The following PAG1 variants were observed in gnomAD, a reference collection of about 807,000 sequenced individuals.
The protein encoded by PAG1 is phosphoprotein membrane anchor with glycosphingolipid microdomains 1.
In PAG1, 23 loss-of-function variants were observed where a neutral mutation model predicts 31.7. The ratio of observed to expected loss-of-function variants is 0.73; its 90% CI spans 0.52 to 1.03. PAG1 has a LOEUF of 1.03. Ranked by LOEUF, PAG1 falls within the 50% of genes least tolerant of loss-of-function variation. The pLI is 0.00. For missense variants in PAG1, 473 were observed against 540.7 expected (o/e 0.87, Z 1.24); for synonymous variants, 214 against 210.3 (o/e 1.02, Z -0.15).
intron 3 of PAG1, among the ~76,000 whole-genome samples, chr8:81,028,693 G>C (rs1408633447): frequency 1.3e-5 from 2 of 152,186 alleles, no homozygotes; most frequent in African/African-American, 4.8e-5. Context: ...AAATCTCTAA[G>C]CTGATCTGCT....
At chr8:81,004,311 T>C (rs1274613285) in intron 3 of PAG1, among the ~76,000 whole-genome samples, 2 of 152,228 alleles carry the variant, frequency 1.3e-5, no homozygotes, top group Non-Finnish European at 2.9e-5. Context: ...GGAGGTTCCA[T>C]ATGTGATAAG....
chr8:81,063,109 A>G (rs866497259), intron 2 of PAG1, among the ~76,000 whole-genome samples: 1 of 152,200 alleles, frequency 6.6e-6, no homozygotes, highest in Non-Finnish European at 1.5e-5. Flanking sequence ...TGGAATTTAA[A>G]TATCTAAAAT....
At chr8:81,106,672 TG>T (rs1251643957) in intron 1 of PAG1, among the ~76,000 whole-genome samples, 2 of 152,300 alleles carry the variant, frequency 1.3e-5, no homozygotes, top group African/African-American at 4.8e-5. Context: ...ATTAACTTAT[TG>T]AACAAATATT....
At chr8:81,014,379 C>T (rs1269408930) in intron 3 of PAG1, among the ~76,000 whole-genome samples, 1 of 152,150 alleles carries the variant, frequency 6.6e-6, no homozygotes, top group Non-Finnish European at 1.5e-5. Flanking sequence ...TAAAAACAAA[C>T]TGAGAGTTCA....
At chr8:81,104,989 C>CAGCT (rs1242157720) in intron 1 of PAG1, among the ~76,000 whole-genome samples, 1 of 152,104 alleles carries the variant, frequency 6.6e-6, no homozygotes, top group East Asian at 1.9e-4. Context: ...ATGGAATGAC[C>CAGCT]AGCTGTTCCA....
Position 80,972,629 on chromosome 8 carries a change from C to T in PAG1, c.*3915G>A, listed in dbSNP as rs1275450543. ...CTCTTATCTCTTTACATTTCCTCCT[C>T]TCAGGCTGAGTCAAAAGTAAGTCAC... On this transcript the variant is annotated 3_prime_UTR_variant, in exon 9 of 9. Transcript: ENST00000220597. 1.3e-5 allele frequency: 2 copies of T among 152,186 alleles called. No homozygotes were observed. The highest frequency in any genetic ancestry group is 2.9e-5 in the Non-Finnish European group (2 of 68,044). 9.4% of individuals were successfully genotyped at this position (152,186 alleles called of 1,614,324 possible).
chr8:81,103,960 G>A (rs1809650683), intron 1 of PAG1, among the ~76,000 whole-genome samples: 1 of 152,094 alleles, frequency 6.6e-6, no homozygotes. Context: ...AAATGGAAAA[G>A]AAAAATAAGA....
chr8:81,026,633 G>T (rs528009095), intron 3 of PAG1, among the ~76,000 whole-genome samples: 1 of 152,016 alleles, frequency 6.6e-6, no homozygotes, highest in Non-Finnish European at 1.5e-5. Context: ...GTGTGCTAAA[G>T]ATCAGGTCTC....
chr8:81,029,100 G>A lies in PAG1; in HGVS notation c.-81+896C>T, dbSNP rs951334906. On this transcript the variant is annotated intron_variant, in intron 3 of 8. Transcript: ENST00000220597. ...ACACAAATATCTTTATAAGGAAGGA[G>A]GTGTTTCATCAGATAAAACAAGACA... is the stretch of plus-strand genomic sequence containing the variant. Among the ~76,000 whole-genome samples the A allele has an allele frequency of 3.0e-4, 45 of 152,144 alleles. 1 individual carries two copies. The highest frequency in any genetic ancestry group is 4.4e-4 in the Non-Finnish European group (30 of 68,012).
chr8:80,995,777 C>G (rs1280995912), intron 3 of PAG1, among the ~76,000 whole-genome samples: 2 of 152,222 alleles, frequency 1.3e-5, no homozygotes, highest in Admixed American at 1.3e-4. Flanking sequence ...TCGCCAACAA[C>G]TCTCTCCTTT....
intron 1 of PAG1, among the ~76,000 whole-genome samples, chr8:81,070,655 C>CAA (rs137892012): frequency 0.03 from 3,782 of 126,276 alleles, 159 homozygotes; most frequent in African/African-American, 0.11. Flanking sequence ...GTCTTTTCAG[C>CAA]ACAAAAAAAA....
chr8:81,080,577 A>G (rs899570096), intron 1 of PAG1, among the ~76,000 whole-genome samples: 2 of 152,192 alleles, frequency 1.3e-5, no homozygotes, highest in African/African-American at 4.8e-5. Flanking sequence ...AAGAGGCTGT[A>G]AGAGGCAGTC....
chr8:81,028,084 C>G (rs1460747667), intron 3 of PAG1, among the ~76,000 whole-genome samples: 6 of 152,098 alleles, frequency 3.9e-5, no homozygotes, highest in Admixed American at 3.9e-4. Flanking sequence ...CACACATGCA[C>G]ACACACAAGG....
chr8:81,012,776 A>G (rs6994691), intron 3 of PAG1, among the ~76,000 whole-genome samples: 1,723 of 152,336 alleles, frequency 0.011, 33 homozygotes, highest in African/African-American at 0.039. Flanking sequence ...GATGAATTTT[A>G]ATGTCAGGAA....
intron 1 of PAG1, among the ~76,000 whole-genome samples, chr8:81,096,225 T>C (rs11989770): frequency 0.059 from 8,985 of 152,202 alleles, 876 homozygotes; most frequent in African/African-American, 0.2. Context: ...ATGTTGTAAG[T>C]GTTCTCAGCT....
intron 1 of PAG1, among the ~76,000 whole-genome samples, chr8:81,073,672 A>G (rs1458046106): frequency 3.3e-5 from 5 of 152,086 alleles, no homozygotes; most frequent in Non-Finnish European, 7.4e-5. Flanking sequence ...TATGTCAGCC[A>G]CTATTCTAGG....
chr8:81,085,972 G>GTTTTTTTTTTTTTT lies in PAG1; in HGVS notation c.-233-15816_-233-15803dup, dbSNP rs869177030. Reference sequence around the variant, plus strand: ...AGTAGTTACGCTTTTAATCTGGCTTGTTTTTTTTTTTTTTTTTTTTTTTTT... The same window carrying GTTTTTTTTTTTTTT: ...AGTAGTTACGCTTTTAATCTGGCTTGTTTTTTTTTTTTTTTTTTTTTTTTTTTTTTTTTTTTTTT... On this transcript the variant is annotated intron_variant, in intron 1 of 8. Transcript: ENST00000220597. Among the ~76,000 whole-genome samples the GTTTTTTTTTTTTTT allele has an allele frequency of 5.4e-4, 32 of 58,904 alleles. 10 individuals are homozygous for GTTTTTTTTTTTTTT. The highest frequency in any genetic ancestry group is 2.3e-3 in the African/African-American group (32 of 13,782). 38.6% of individuals were successfully genotyped at this position (58,904 alleles called of 152,430 possible).
chr8:81,079,053 A>G (rs1331444964), intron 1 of PAG1, among the ~76,000 whole-genome samples: 1 of 152,174 alleles, frequency 6.6e-6, no homozygotes, highest in African/African-American at 2.4e-5. Flanking sequence ...TATCCTTGCC[A>G]GGACTCAACC....
At chr8:81,045,639 T>C (rs1320283625) in intron 2 of PAG1, among the ~76,000 whole-genome samples, 2 of 152,184 alleles carry the variant, frequency 1.3e-5, no homozygotes, top group East Asian at 3.9e-4. Flanking sequence ...CTGGATATAC[T>C]GAAAGCCACT....
Sources: allele counts gnomAD v4.1 joint callset (sites outside exome capture counted in the v4.1 genomes callset), GRCh38; gene constraint gnomAD v4.1.1; transcripts MANE v1.5; gene names NCBI Gene and HGNC (gene_info 2026-07-23, HGNC 2026-07-21).